CSMD3: variants seen among roughly 807,000 people sequenced by gnomAD.
CSMD3 encodes the protein CUB and Sushi multiple domains 3, also known as CUB and sushi domain-containing protein 3.
Under a neutral mutation model 435.2 loss-of-function variants are expected in CSMD3, and 177 were observed. That is an observed-to-expected ratio of 0.41 (90% CI 0.36 to 0.46). The LOEUF (loss-of-function observed/expected upper bound fraction) is 0.46. Ranked by LOEUF, CSMD3 falls within the 20% of genes least tolerant of loss-of-function variation. The pLI is 0.34. For missense variants in CSMD3, 4,265 were observed against 4,504.6 expected (o/e 0.95, Z 1.52); for synonymous variants, 1,656 against 1,520.5 (o/e 1.09, Z -2.07).
At chr8:112,803,475 T>C (rs1207458030) in intron 12 of CSMD3, among the ~76,000 whole-genome samples, 5 of 152,148 alleles carry the variant, frequency 3.3e-5, no homozygotes, top group Non-Finnish European at 7.3e-5. Flanking sequence ...AAGTCACTTA[T>C]CATTTATATT....
At chr8:112,633,918 T>C (rs2074585057) in intron 22 of CSMD3, among the ~76,000 whole-genome samples, 1 of 152,012 alleles carries the variant, frequency 6.6e-6, no homozygotes, top group Non-Finnish European at 1.5e-5. Flanking sequence ...AGTGTATCCA[T>C]CATTTGTACC....
chr8:113,337,788 T>C (rs1390541652), intron 1 of CSMD3, among the ~76,000 whole-genome samples: 2 of 151,890 alleles, frequency 1.3e-5, no homozygotes, highest in African/African-American at 2.4e-5. Context: ...ATGGTGACTA[T>C]AGTTAACAAC....
At chr8:112,836,065 A>G (rs1324645608) in intron 11 of CSMD3, among the ~76,000 whole-genome samples, 2 of 151,846 alleles carry the variant, frequency 1.3e-5, no homozygotes, top group African/African-American at 4.8e-5. Flanking sequence ...TTTTAGCCAC[A>G]GTTCTTTAGA....
At chr8:112,857,927 G>A (rs1188871207) in intron 11 of CSMD3, among the ~76,000 whole-genome samples, 1 of 151,626 alleles carries the variant, frequency 6.6e-6, no homozygotes, top group East Asian at 1.9e-4. Flanking sequence ...CACAGGTTGG[G>A]TGGATAACAT....
rs1822261928 is a variant in CSMD3 at position 112,314,327 on chromosome 8, G to A, written c.7549+102C>T. 6 of 887,308 alleles carry A rather than the reference G, an allele frequency of 6.8e-6. No homozygotes were observed. In the South Asian group the frequency reaches 8.7e-5, roughly 13 times the overall value. 55.0% of individuals were successfully genotyped at this position (887,308 alleles called of 1,614,324 possible). A position where few individuals can be genotyped will look rare whatever the true frequency, so the allele number is the denominator to read the frequency against. ...TTGGTACTTCTAAAAATATCTGTAA[G>A]ATAAACTCACATAAGCAGCTGTTTA... is the stretch of plus-strand genomic sequence containing the variant. On this transcript the variant is annotated intron_variant, in intron 48 of 70. Coordinates refer to ENST00000297405, the MANE Select transcript of CSMD3 (RefSeq NM_198123.2).
intron 5 of CSMD3, among the ~76,000 whole-genome samples, chr8:113,026,688 T>G (rs752597338): frequency 9.2e-5 from 14 of 152,200 alleles, no homozygotes; most frequent in Non-Finnish European, 2.1e-4. Flanking sequence ...TTTCAGTCTC[T>G]TTGAATTTTT....
intron 31 of CSMD3, among the ~76,000 whole-genome samples, chr8:112,477,274 T>C (rs535567286): frequency 1.3e-5 from 2 of 152,322 alleles, no homozygotes; most frequent in Admixed American, 1.3e-4. Context: ...CAATACTATG[T>C]GAAAGATATG....
Position 112,244,440 on chromosome 8 carries a change from C to T in CSMD3, c.10356G>A (p.Val3452=), listed in dbSNP as rs2130109542. Residue 3452 remains valine, a synonymous_variant, in exon 65 of 71, where the codon GTG becomes GTA. Transcript: ENST00000297405. ...CAGTCCAGGTGTTATCGGATCTACA[C>T]ACTCTATGTTCTGTTCCACCTGCTA... ...FFLAGGTEHR[V]CRSDNTWTGK... 1 of 1,613,884 alleles carries T rather than the reference C, an allele frequency of 6.2e-7. No individual in the cohort carries two copies. The highest frequency in any genetic ancestry group is 1.1e-5 in the South Asian group (1 of 91,078).
At chr8:112,720,490 T>C (rs1249347851) in intron 13 of CSMD3, among the ~76,000 whole-genome samples, 1 of 152,176 alleles carries the variant, frequency 6.6e-6, no homozygotes, top group Non-Finnish European at 1.5e-5. Flanking sequence ...ATAGTTCACC[T>C]ACAAAATGCT....
chr8:112,617,205 G>T (rs193269006), intron 22 of CSMD3, among the ~76,000 whole-genome samples: 352 of 152,268 alleles, frequency 2.3e-3, no homozygotes, highest in African/African-American at 8.1e-3. Context: ...TATAGATTAT[G>T]TATAGTTAGG....
intron 20 of CSMD3, among the ~76,000 whole-genome samples, chr8:112,641,271 T>C (rs10092054): frequency 0.69 from 105,536 of 151,974 alleles, 36,751 homozygotes; most frequent in Middle Eastern, 0.79. Context: ...CTTTCACTAC[T>C]GCAAAACAAC....
intron 16 of CSMD3, among the ~76,000 whole-genome samples, chr8:112,677,919 GGATT>G (rs998415881): frequency 6.6e-6 from 1 of 152,068 alleles, no homozygotes; most frequent in African/African-American, 2.4e-5. Context: ...CTAGCACAAT[GGATT>G]GATTGTGGCT....
At chr8:112,516,992 T>C (rs1215927044) in intron 28 of CSMD3, 42 bp downstream of exon 28, 16 of 1,468,260 alleles carry the variant, frequency 1.1e-5, no homozygotes, top group Non-Finnish European at 1.5e-5. Flanking sequence ...TTAACCATTG[T>C]TTTATGTTTA....
At chr8:112,922,701 G>A (rs112191678) in intron 9 of CSMD3, among the ~76,000 whole-genome samples, 5,130 of 152,056 alleles carry the variant, frequency 0.034, 149 homozygotes, top group Middle Eastern at 0.051. Flanking sequence ...AAATGACAGG[G>A]CTCCATACAT....
intron 1 of CSMD3, among the ~76,000 whole-genome samples, chr8:113,408,944 C>T (rs565066173): frequency 2.6e-5 from 4 of 151,954 alleles, no homozygotes; most frequent in Non-Finnish European, 5.9e-5. Flanking sequence ...CCGTATAGGC[C>T]GGGCTTGATG....
At chr8:113,331,476 C>A (rs1238126578) in intron 1 of CSMD3, among the ~76,000 whole-genome samples, 1 of 151,330 alleles carries the variant, frequency 6.6e-6, no homozygotes, top group Non-Finnish European at 1.5e-5. Context: ...AAAGACAATG[C>A]GAGATAAAAA....
At chr8:112,995,872 C>G (rs982026074) in intron 6 of CSMD3, among the ~76,000 whole-genome samples, 1 of 151,418 alleles carries the variant, frequency 6.6e-6, no homozygotes. Context: ...ATTGAAAAAT[C>G]ATATTCTGTC....
intron 1 of CSMD3, among the ~76,000 whole-genome samples, chr8:113,405,994 T>C (rs2094531110): frequency 6.6e-6 from 1 of 151,836 alleles, no homozygotes; most frequent in South Asian, 2.1e-4. Context: ...CTTGCAGACA[T>C]GATCTTGCAA....
rs1261426757 is a variant in CSMD3 at position 112,342,977 on chromosome 8, ATATATATATT to A, written c.6443-1301_6443-1292del. ...CTTTACCTCTTGAAATGTATTATAT[ATATATATATT>A]TATATATATATATTTATATATATAT... On this transcript the variant is annotated intron_variant, in intron 41 of 70. Transcript: ENST00000297405. Among the ~76,000 whole-genome samples, 138 of 77,284 alleles carry A rather than the reference ATATATATATT, an allele frequency of 1.8e-3. 1 individual carries two copies. The highest frequency in any genetic ancestry group is 3.9e-3 in the Admixed American group (19 of 4,900). 50.7% of individuals were successfully genotyped at this position (77,284 alleles called of 152,430 possible).
Sources: allele counts gnomAD v4.1 joint callset (sites outside exome capture counted in the v4.1 genomes callset), GRCh38; gene constraint gnomAD v4.1.1; transcripts MANE v1.5; gene names NCBI Gene and HGNC (gene_info 2026-07-23, HGNC 2026-07-21).